Variants in ZFAND3 observed in about 807,000 individuals in gnomAD.
The protein encoded by ZFAND3 is zinc finger AN1-type containing 3.
A neutral mutation model predicts 29.6 loss-of-function variants in ZFAND3; 10 were observed. The ratio of observed to expected loss-of-function variants is 0.34; its 90% confidence interval spans 0.21 to 0.57. The LOEUF (loss-of-function observed/expected upper bound fraction) is 0.57, where lower values mean the gene tolerates loss of function less well. Ranked by LOEUF, ZFAND3 falls within the 20% of genes least tolerant of loss-of-function variation. ZFAND3 has a pLI of 0.86. For synonymous variants in ZFAND3, 128 were observed against 112.6 expected (o/e 1.14, Z -0.87); for missense variants, 230 against 304.5 (o/e 0.76, Z 1.82).
chr6:37,896,033 C>G (rs1765197223), intron 1 of ZFAND3, among the ~76,000 whole-genome samples: 2 of 152,126 alleles, frequency 1.3e-5, no homozygotes, highest in South Asian at 4.1e-4. Context: ...TTTCAGAAGT[C>G]TTTGTCCTTC....
At chr6:38,063,949 A>G (rs953028495) in intron 3 of ZFAND3, among the ~76,000 whole-genome samples, 10 of 151,926 alleles carry the variant, frequency 6.6e-5, no homozygotes, top group Non-Finnish European at 8.8e-5. Flanking sequence ...ATCATATAAG[A>G]GGAGAAAAAA....
intron 4 of ZFAND3, among the ~76,000 whole-genome samples, chr6:38,089,583 T>C (rs12194275): frequency 0.46 from 69,863 of 152,094 alleles, 16,734 homozygotes; most frequent in Non-Finnish European, 0.52. Flanking sequence ...TGTTTCCTTG[T>C]TGTTAGGTTA....
intron 5 of ZFAND3, among the ~76,000 whole-genome samples, chr6:38,133,523 G>A (rs1765783165): frequency 6.6e-6 from 1 of 152,164 alleles, no homozygotes; most frequent in Non-Finnish European, 1.5e-5. Context: ...GCCGAGGCGG[G>A]CGGATCATGA....
In ZFAND3 at chr6:38,119,052, T is replaced by G. The variant is rs547381076; in HGVS notation, c.529+2313T>G. 1.2e-3 allele frequency among the ~76,000 whole-genome samples: 179 copies of G among 152,332 alleles called. 1 individual carries two copies. The South Asian group carries it at 0.012, about 11-fold the overall frequency. On this transcript the variant is annotated intron_variant, in intron 5 of 5. Transcript: ENST00000287218. ...TGAGCTTTCTGCAGTCTCAACAGGA[T>G]GTAACTTTCCTAGAGTCAGCTGGGC...
intron 2 of ZFAND3, among the ~76,000 whole-genome samples, chr6:38,016,090 A>G (rs1763247496): frequency 7.0e-6 from 1 of 143,738 alleles, no homozygotes; most frequent in South Asian, 2.2e-4. Context: ...GACCTAAGAC[A>G]GTAGTTCCTT....
At chr6:38,100,317 C>T (rs900643620) in intron 4 of ZFAND3, among the ~76,000 whole-genome samples, 2 of 152,194 alleles carry the variant, frequency 1.3e-5, no homozygotes, top group Non-Finnish European at 2.9e-5. Context: ...CTGCCTCGAC[C>T]TCCCAAAGTT....
At chr6:38,031,306 A>T (rs1173535313) in intron 2 of ZFAND3, among the ~76,000 whole-genome samples, 1 of 152,102 alleles carries the variant, frequency 6.6e-6, no homozygotes, top group Non-Finnish European at 1.5e-5. Context: ...TCTCCTCAAT[A>T]CTTAATAAAG....
At chr6:37,993,450 G>C (rs1419068991) in intron 2 of ZFAND3, among the ~76,000 whole-genome samples, 6 of 151,836 alleles carry the variant, frequency 4.0e-5, no homozygotes, top group Non-Finnish European at 8.8e-5. Context: ...CCTCACCCTC[G>C]CAAGTAGCTA....
At chr6:38,105,150 G>A (rs1765182394) in intron 4 of ZFAND3, among the ~76,000 whole-genome samples, 1 of 152,136 alleles carries the variant, frequency 6.6e-6, no homozygotes, top group Admixed American at 6.5e-5. Flanking sequence ...AAGAATATGT[G>A]CTTTGTGTTA....
rs12660732 is a variant in ZFAND3 at position 38,055,213 on chromosome 6, A to G, written c.113-6380A>G. Among the ~76,000 whole-genome samples, 2,594 of 152,312 alleles carry G rather than the reference A, an allele frequency of 0.017. 254 individuals carry two copies. The East Asian group carries it at 0.28, about 16-fold the overall frequency. ...CCATTTTTTAAAATTTGACTACTTG[A>G]AACATGAAGTATTTTATGGTGTGAA... On this transcript the variant is annotated intron_variant, in intron 2 of 5. Coordinates refer to ENST00000287218, the MANE Select transcript of ZFAND3 (RefSeq NM_021943.3).
chr6:38,045,129 C>T (rs949975610), intron 2 of ZFAND3, among the ~76,000 whole-genome samples: 11 of 150,870 alleles, frequency 7.3e-5, no homozygotes, highest in Non-Finnish European at 1.3e-4. Flanking sequence ...CTCTGTCGCC[C>T]AGACTGGAGT....
At chr6:38,125,519 A>T (rs1765618479) in intron 5 of ZFAND3, among the ~76,000 whole-genome samples, 1 of 152,216 alleles carries the variant, frequency 6.6e-6, no homozygotes, top group African/African-American at 2.4e-5. Context: ...CATCCGCTGC[A>T]GCCTGTGTCA....
intron 1 of ZFAND3, among the ~76,000 whole-genome samples, chr6:37,916,008 A>G (rs900160763): frequency 1.3e-5 from 2 of 151,108 alleles, no homozygotes; most frequent in Admixed American, 6.6e-5. Flanking sequence ...ACCTCAGGTG[A>G]TCCGCCCGCC....
At chr6:38,087,131 C>T (rs1311329927) in intron 4 of ZFAND3, among the ~76,000 whole-genome samples, 11 of 152,146 alleles carry the variant, frequency 7.2e-5, no homozygotes, top group Admixed American at 2.6e-4. Flanking sequence ...AAACTGGATA[C>T]TCATGTGCAG....
intron 4 of ZFAND3, among the ~76,000 whole-genome samples, chr6:38,095,831 A>G (rs1754523989): frequency 6.6e-6 from 1 of 152,082 alleles, no homozygotes; most frequent in Non-Finnish European, 1.5e-5. Context: ...CAGGAATTGG[A>G]GACCAGCCTG....
intron 1 of ZFAND3, among the ~76,000 whole-genome samples, chr6:37,895,517 C>CT (rs70977701): frequency 0.13 from 6,694 of 52,688 alleles, 522 homozygotes; most frequent in African/African-American, 0.27. Flanking sequence ...TTTGAATTTT[C>CT]TTTTTTTTTT....
chr6:37,993,695 A>T, intron 2 of ZFAND3, among the ~76,000 whole-genome samples: 1 of 152,230 alleles, frequency 6.6e-6, no homozygotes, highest in East Asian at 1.9e-4. Flanking sequence ...TGTTACCAAT[A>T]AAGTATGTGT....
chr6:37,819,824 G>T lies in ZFAND3; in HGVS notation c.-122G>T, dbSNP rs1487226800. 1.1e-5 allele frequency: 7 copies of T among 617,762 alleles called. No homozygotes were observed. The highest frequency in any genetic ancestry group is 2.0e-5 in the African/African-American group (1 of 50,348). The allele number at this position is 617,762 out of a possible 1,614,324, so 38.3% of individuals were successfully genotyped here. Reference sequence around the variant, plus strand: ...CGGACTCGCGCCCGCCCGCGCGCCCGCTCCTTCCCCCTCCCCCCGCCCCGA... The same window carrying T: ...CGGACTCGCGCCCGCCCGCGCGCCCTCTCCTTCCCCCTCCCCCCGCCCCGA... On this transcript the variant is annotated 5_prime_UTR_variant, in exon 1 of 6. Coordinates refer to ENST00000287218, the MANE Select transcript of ZFAND3 (RefSeq NM_021943.3).
intron 1 of ZFAND3, among the ~76,000 whole-genome samples, chr6:37,823,353 G>A (rs1763700901): frequency 6.6e-6 from 1 of 152,206 alleles, no homozygotes; most frequent in African/African-American, 2.4e-5. Flanking sequence ...TCTAAAGTCA[G>A]CTAGCCAGGG....
Sources: gnomAD v4.1 joint callset for allele counts (sites outside exome capture counted in the v4.1 genomes callset) on GRCh38, gnomAD v4.1.1 for gene constraint, MANE v1.5 for transcripts, NCBI Gene and HGNC (gene_info 2026-07-23, HGNC 2026-07-21) for gene names.